Variants in KCTD16 observed in about 807,000 individuals in gnomAD.
KCTD16 encodes potassium channel tetramerization domain containing 16.
KCTD16 carries 13 observed loss-of-function variants against 33.2 expected under a neutral mutation model. That is an observed-to-expected ratio of 0.39 (90% CI 0.25 to 0.62). The LOEUF is 0.62. Among genes scored for constraint, KCTD16 ranks in the 20% least tolerant of loss-of-function variants. KCTD16 has a pLI of 0.50. For synonymous variants in KCTD16, 197 were observed against 195.3 expected, an observed-to-expected ratio of 1.01 and a Z score of -0.07; for missense variants, 441 against 525.1, an observed-to-expected ratio of 0.84 and a Z score of 1.57.
At chr5:144,253,758 G>A (rs1254009060) in intron 3 of KCTD16, among the ~76,000 whole-genome samples, 1 of 152,084 alleles carries the variant, frequency 6.6e-6, no homozygotes, top group Non-Finnish European at 1.5e-5. Flanking sequence ...ATTACAAATT[G>A]AAATTGTGAT....
At chr5:144,256,666 C>T (rs1281588856) in intron 3 of KCTD16, among the ~76,000 whole-genome samples, 1 of 150,868 alleles carries the variant, frequency 6.6e-6, no homozygotes, top group East Asian at 1.9e-4. Flanking sequence ...CTGGGGCTAG[C>T]CCGAGAGGGG....
chr5:144,354,365 T>A (rs1050145508), intron 3 of KCTD16, among the ~76,000 whole-genome samples: 30 of 152,174 alleles, frequency 2.0e-4, no homozygotes, highest in African/African-American at 7.0e-4. Context: ...CCTTTGAGAA[T>A]CTGTAGACCT....
At chr5:144,324,767 C>G (rs1278569845) in intron 3 of KCTD16, among the ~76,000 whole-genome samples, 1 of 152,180 alleles carries the variant, frequency 6.6e-6, no homozygotes, top group Non-Finnish European at 1.5e-5. Flanking sequence ...AAGATCATAT[C>G]CTTTGCAGGG....
chr5:144,438,453 T>C (rs1353868380), intron 3 of KCTD16, among the ~76,000 whole-genome samples: 1 of 152,200 alleles, frequency 6.6e-6, no homozygotes, highest in East Asian at 1.9e-4. Flanking sequence ...CTCCGCTCTG[T>C]TTTCTGCTGT....
intron 3 of KCTD16, among the ~76,000 whole-genome samples, chr5:144,451,302 T>C (rs1753936304): frequency 6.6e-6 from 1 of 152,112 alleles, no homozygotes; most frequent in Non-Finnish European, 1.5e-5. Context: ...TTATTTTTAT[T>C]CTCAATCTTA....
chr5:144,335,563 C>T (rs974852132), intron 3 of KCTD16, among the ~76,000 whole-genome samples: 5 of 152,154 alleles, frequency 3.3e-5, no homozygotes, highest in African/African-American at 1.2e-4. Flanking sequence ...CACAAACACA[C>T]TACAATGACA....
chr5:144,246,824 C>T (rs1754562576), intron 3 of KCTD16, among the ~76,000 whole-genome samples: 1 of 151,858 alleles, frequency 6.6e-6, no homozygotes, highest in South Asian at 2.1e-4. Flanking sequence ...TGTGTCATTC[C>T]TCCAACTCCC....
chr5:144,224,093 C>T (rs899210275), intron 3 of KCTD16, among the ~76,000 whole-genome samples: 1 of 151,940 alleles, frequency 6.6e-6, no homozygotes, highest in Non-Finnish European at 1.5e-5. Flanking sequence ...ATATTTAGTT[C>T]TCAGAACAAG....
At chr5:144,404,124 CT>C (rs1752762546) in intron 3 of KCTD16, among the ~76,000 whole-genome samples, 1 of 152,136 alleles carries the variant, frequency 6.6e-6, no homozygotes, top group Non-Finnish European at 1.5e-5. Flanking sequence ...GTCTCATGCT[CT>C]ACTCAATTCA....
In KCTD16 at chr5:144,482,272, T is replaced by A. The variant is rs1163767555; in HGVS notation, c.*8158T>A. 1.3e-5 allele frequency: 2 copies of A among 151,920 alleles called. No homozygotes were observed. Among genetic ancestry groups the A allele is most frequent in the African/African-American group, 4.8e-5 (2 of 41,408 alleles). 9.4% of individuals were successfully genotyped at this position (151,920 alleles called of 1,614,324 possible). A position where few individuals can be genotyped will look rare whatever the true frequency, so the allele number is the denominator to read the frequency against. Reference sequence around the variant, plus strand: ...CCTAGGAGGTAAAGAAAGGGCAGATTTGCTACAGCTTGTACTTTATGCCAC... The same window carrying A: ...CCTAGGAGGTAAAGAAAGGGCAGATATGCTACAGCTTGTACTTTATGCCAC... On this transcript the variant is annotated 3_prime_UTR_variant, in exon 4 of 4. Transcript: ENST00000512467.
intron 3 of KCTD16, among the ~76,000 whole-genome samples, chr5:144,406,733 G>A (rs946134064): frequency 3.3e-5 from 5 of 152,230 alleles, no homozygotes; most frequent in Non-Finnish European, 7.3e-5. Context: ...AAGACAGAAA[G>A]TTAAAGCTAC....
At chr5:144,299,092 CTATGTA>C (rs1561558313) in intron 3 of KCTD16, among the ~76,000 whole-genome samples, 1 of 13,324 alleles carries the variant, frequency 7.5e-5, no homozygotes, top group Non-Finnish European at 1.2e-4. Context: ...ATATATATCA[CTATGTA>C]TATATATATA....
chr5:144,420,186 G>A (rs1753177213), intron 3 of KCTD16, among the ~76,000 whole-genome samples: 1 of 152,086 alleles, frequency 6.6e-6, no homozygotes, highest in Non-Finnish European at 1.5e-5. Flanking sequence ...ATGTTTTGTT[G>A]TGAAAGTCTG....
At chr5:144,375,973 G>A (rs1752082869) in intron 3 of KCTD16, among the ~76,000 whole-genome samples, 1 of 152,004 alleles carries the variant, frequency 6.6e-6, no homozygotes, top group African/African-American at 2.4e-5. Flanking sequence ...ACAGGCACGA[G>A]CCGCTAAATC....
At chr5:144,315,798 T>C (rs2126880764) in intron 3 of KCTD16, among the ~76,000 whole-genome samples, 1 of 152,280 alleles carries the variant, frequency 6.6e-6, no homozygotes, top group Non-Finnish European at 1.5e-5. Flanking sequence ...TAAGGGCTGA[T>C]CACTGGAAGC....
In KCTD16 at chr5:144,330,504, T is replaced by C. The variant is rs1752332910; in HGVS notation, c.832+122958T>C. On this transcript the variant is annotated intron_variant, in intron 3 of 3. Coordinates refer to ENST00000512467, the MANE Select transcript of KCTD16 (RefSeq NM_020768.4). ...TCTTACAGTATTACCCATTCATTCA[T>C]TTATTTGTTTAAAATTTATTAAGCA... Among the ~76,000 whole-genome samples the C allele has an allele frequency of 2.0e-5, 3 of 152,180 alleles. No individual in the cohort carries two copies. In the East Asian group the frequency reaches 5.8e-4, roughly 29 times the overall value.
At chr5:144,350,136 C>A (rs1324568602) in intron 3 of KCTD16, among the ~76,000 whole-genome samples, 6 of 152,132 alleles carry the variant, frequency 3.9e-5, no homozygotes, top group Admixed American at 3.3e-4. Context: ...TGTGTTATGA[C>A]CCCTGTAGGT....
chr5:144,288,025 T>C (rs1755795916), intron 3 of KCTD16, among the ~76,000 whole-genome samples: 1 of 152,186 alleles, frequency 6.6e-6, no homozygotes, highest in African/African-American at 2.4e-5. Flanking sequence ...AACTTTAGTG[T>C]GCATAGAATC....
At chr5:144,235,723 A>G (rs1193935330) in intron 3 of KCTD16, among the ~76,000 whole-genome samples, 2 of 152,136 alleles carry the variant, frequency 1.3e-5, no homozygotes. Context: ...AAATTATATT[A>G]TAATGTTCTC....
Sources: gnomAD v4.1 joint callset for allele counts (sites outside exome capture counted in the v4.1 genomes callset) on GRCh38, gnomAD v4.1.1 for gene constraint, MANE v1.5 for transcripts, NCBI Gene and HGNC (gene_info 2026-07-23, HGNC 2026-07-21) for gene names.